The following RAD54B variants were observed in gnomAD, a reference collection of about 807,000 sequenced individuals.
The protein encoded by RAD54B is DNA repair and recombination protein RAD54B.
A neutral mutation model predicts 95.8 loss-of-function variants in RAD54B; 78 were observed. That is an observed-to-expected ratio of 0.81 (90% CI 0.68 to 0.98). The LOEUF (loss-of-function observed/expected upper bound fraction) is 0.98, where lower values mean the gene tolerates loss of function less well. Among genes scored for constraint, RAD54B ranks in the 50% least tolerant of loss-of-function variants. The pLI, the probability that RAD54B is intolerant of heterozygous loss-of-function variation, is 0.00. For synonymous variants in RAD54B, 328 were observed against 354.9 expected (o/e 0.92, Z 0.85); for missense variants, 957 against 1,056.6 (o/e 0.91, Z 1.31).
intron 1 of RAD54B, 42 bp from the exon 2 acceptor site, chr8:94,467,597 T>C: frequency 6.5e-7 from 1 of 1,544,802 alleles, no homozygotes. Flanking sequence ...CGAATCTAAT[T>C]ACAATCACCC....
At chr8:94,473,105 A>T (rs1325502808) in intron 1 of RAD54B, among the ~76,000 whole-genome samples, 3 of 152,174 alleles carry the variant, frequency 2.0e-5, no homozygotes, top group African/African-American at 7.2e-5. Context: ...TTGCACCCTT[A>T]TAGCTTTTTA....
intron 3 of RAD54B, among the ~76,000 whole-genome samples, chr8:94,443,790 G>C (rs1812455381): frequency 6.6e-6 from 1 of 151,844 alleles, no homozygotes. Context: ...CCTGTGACTT[G>C]TGTTTTTCCC....
chr8:94,468,926 A>G lies in RAD54B; in HGVS notation c.-16-1371T>C, dbSNP rs187112315. Among the ~76,000 whole-genome samples the G allele has an allele frequency of 3.6e-3, 542 of 152,074 alleles. 2 individuals carry two copies. Among genetic ancestry groups the G allele is most frequent in the African/African-American group, 0.013 (526 of 41,446 alleles). On this transcript the variant is annotated intron_variant, in intron 1 of 14. Transcript: ENST00000336148. ...GATCCCTTGAGGTCAGGAGTTCAAAACCAGTCTGGGCAACATAGCAGCAAG... is the reference window on the plus strand; with the variant it reads ...GATCCCTTGAGGTCAGGAGTTCAAAGCCAGTCTGGGCAACATAGCAGCAAG...
chr8:94,419,439 C>T (rs1019387106), intron 3 of RAD54B, among the ~76,000 whole-genome samples: 8 of 151,940 alleles, frequency 5.3e-5, no homozygotes, highest in African/African-American at 1.4e-4. Flanking sequence ...AACCAGAAGG[C>T]GGAGGTTGCA....
intron 3 of RAD54B, among the ~76,000 whole-genome samples, chr8:94,422,617 A>AATATATATATAT (rs1166692675): frequency 6.9e-4 from 30 of 43,560 alleles, no homozygotes; most frequent in African/African-American, 1.9e-3. Flanking sequence ...AAAAAAAAAA[A>AATATATATATAT]ATATATATAT....
At position 94,388,174 on chromosome 8, in the gene RAD54B, T is replaced by C. The variant is rs1810936937; in HGVS notation, c.1810-1015A>G. ...CACATGGGTTTGAACTACGCAAGTC[T>C]ACTTATATGCAGATTTTCTCCCATC... On this transcript the variant is annotated intron_variant, in intron 10 of 14. Coordinates refer to ENST00000336148, the MANE Select transcript of RAD54B (RefSeq NM_012415.3). Among the ~76,000 whole-genome samples the C allele has an allele frequency of 3.9e-5, 6 of 152,282 alleles. No individual in the cohort carries two copies. The South Asian group carries it at 1.2e-3, about 32-fold the overall frequency.
At chr8:94,467,820 A>G (rs1813068551) in intron 1 of RAD54B, 2 of 270,930 alleles carry the variant, frequency 7.4e-6, no homozygotes, top group Non-Finnish European at 1.4e-5. Context: ...TTAGATTGAC[A>G]AAATGTTTGG....
At chr8:94,384,706 G>A (rs1033771979) in intron 11 of RAD54B, among the ~76,000 whole-genome samples, 13 of 152,140 alleles carry the variant, frequency 8.5e-5, no homozygotes, top group Admixed American at 6.5e-4. Context: ...AAGAAAAGGC[G>A]ATCTCTTCAG....
chr8:94,464,154 G>A (rs1313648678), intron 2 of RAD54B, among the ~76,000 whole-genome samples: 1 of 152,148 alleles, frequency 6.6e-6, no homozygotes, highest in African/African-American at 2.4e-5. Context: ...GTATTGTTAT[G>A]TGGTAAAAAG....
intron 3 of RAD54B, among the ~76,000 whole-genome samples, chr8:94,421,056 C>T (rs949766798): frequency 1.3e-5 from 2 of 151,946 alleles, no homozygotes; most frequent in Admixed American, 1.3e-4. Flanking sequence ...CTTCAAGTAT[C>T]CAAACACTCC....
At chr8:94,393,633 A>G in intron 9 of RAD54B, 110 bp downstream of exon 9, 1 of 1,060,384 alleles carries the variant, frequency 9.4e-7, no homozygotes, top group South Asian at 1.6e-5. Flanking sequence ...TGTGGAGAAA[A>G]ATAAAGAGTT....
intron 2 of RAD54B, among the ~76,000 whole-genome samples, chr8:94,463,548 T>C (rs1397690804): frequency 6.6e-6 from 1 of 152,050 alleles, no homozygotes; most frequent in African/African-American, 2.4e-5. Flanking sequence ...AATTATCATA[T>C]GATCCAGCAA....
chr8:94,460,726 C>T (rs1812881459), intron 2 of RAD54B, among the ~76,000 whole-genome samples: 1 of 151,878 alleles, frequency 6.6e-6, no homozygotes, highest in African/African-American at 2.4e-5. Context: ...GGCTGAGTTC[C>T]TTTCTGGATG....
intron 14 of RAD54B, among the ~76,000 whole-genome samples, chr8:94,377,625 T>C (rs1810620507): frequency 6.9e-6 from 1 of 144,280 alleles, no homozygotes; most frequent in South Asian, 2.2e-4. Context: ...AAGATTTTCC[T>C]AAATAAGTTC....
intron 6 of RAD54B, among the ~76,000 whole-genome samples, chr8:94,401,799 A>G (rs1247136245): frequency 6.6e-6 from 1 of 152,234 alleles, no homozygotes; most frequent in Non-Finnish European, 1.5e-5. Flanking sequence ...TTAGATCAAT[A>G]CTTTGGCAAC....
chr8:94,374,405 A>G (rs548960070), intron 14 of RAD54B, among the ~76,000 whole-genome samples: 67 of 152,306 alleles, frequency 4.4e-4, no homozygotes, highest in African/African-American at 1.6e-3. Context: ...GGCCCTCGTT[A>G]AAAAATGAAA....
chr8:94,443,503 C>G (rs1563659676), intron 3 of RAD54B, among the ~76,000 whole-genome samples: 2 of 150,460 alleles, frequency 1.3e-5, no homozygotes, highest in Non-Finnish European at 3.0e-5. Flanking sequence ...AGTAATAACC[C>G]AAGGGAATAA....
chr8:94,401,981 T>C (rs534884100), intron 6 of RAD54B, among the ~76,000 whole-genome samples: 2 of 152,276 alleles, frequency 1.3e-5, no homozygotes, highest in Middle Eastern at 3.4e-3. Context: ...CTGAATATAG[T>C]TGGAGCTTGA....
intron 3 of RAD54B, among the ~76,000 whole-genome samples, chr8:94,445,850 T>C (rs1303078637): frequency 2.6e-5 from 4 of 152,166 alleles, no homozygotes; most frequent in African/African-American, 4.8e-5. Flanking sequence ...TTAATCTTAA[T>C]GAATTGCATG....
Sources: gnomAD v4.1 joint callset for allele counts (sites outside exome capture counted in the v4.1 genomes callset) on GRCh38, gnomAD v4.1.1 for gene constraint, MANE v1.5 for transcripts, NCBI Gene and HGNC (gene_info 2026-07-23, HGNC 2026-07-21) for gene names.